ZC3H3: variants seen among roughly 807,000 people sequenced by gnomAD.
The protein encoded by ZC3H3 is zinc finger CCCH-type containing 3, also known as zinc finger CCCH domain-containing protein 3.
In ZC3H3, 36 loss-of-function variants were observed where a neutral mutation model predicts 77.3. The ratio of observed to expected loss-of-function variants is 0.47; its 90% CI spans 0.36 to 0.61. The LOEUF (loss-of-function observed/expected upper bound fraction) is 0.61. Ranked by LOEUF, ZC3H3 falls within the 20% of genes least tolerant of loss-of-function variation. The pLI is 0.00. For synonymous variants in ZC3H3, 626 were observed against 555.2 expected (o/e 1.13, Z -1.79); for missense variants, 1,331 against 1,312.2 (o/e 1.01, Z -0.22).
chr8:143,443,011 G>A (rs1488395100), intron 9 of ZC3H3, among the ~76,000 whole-genome samples: 4 of 152,090 alleles, frequency 2.6e-5, no homozygotes, highest in East Asian at 3.9e-4. Flanking sequence ...AGTGGCTCAC[G>A]CCGGTAATTC....
At chr8:143,444,051 T>C (rs1029488498) in intron 9 of ZC3H3, among the ~76,000 whole-genome samples, 9 of 151,546 alleles carry the variant, frequency 5.9e-5, no homozygotes, top group Non-Finnish European at 1.2e-4. Context: ...CTCGGCTCAC[T>C]GCAACCTCTG....
At position 143,476,971 on chromosome 8, in the gene ZC3H3, T is replaced by C. The variant is rs112641196; in HGVS notation, c.1716-1386A>G. 8.3e-3 allele frequency among the ~76,000 whole-genome samples: 1,262 copies of C among 152,298 alleles called. 21 individuals are homozygous for C. The highest frequency in any genetic ancestry group is 0.029 in the African/African-American group (1,188 of 41,566). The stretch of plus-strand genomic sequence containing the variant: ...TGAAGGTGGGGCTCGCTTGTCTGGC[T>C]GGATGGGGCAGGTACAGGGGGACAG... On this transcript the variant is annotated intron_variant, in intron 4 of 11. Coordinates refer to ENST00000262577, the MANE Select transcript of ZC3H3 (RefSeq NM_015117.3).
intron 4 of ZC3H3, among the ~76,000 whole-genome samples, chr8:143,495,917 C>G (rs1467674186): frequency 1.3e-5 from 2 of 152,110 alleles, no homozygotes; most frequent in Non-Finnish European, 2.9e-5. Context: ...TTTGTTAGAA[C>G]TCACAGACTG....
At chr8:143,456,715 A>T (rs570055659) in intron 9 of ZC3H3, among the ~76,000 whole-genome samples, 1 of 152,288 alleles carries the variant, frequency 6.6e-6, no homozygotes, top group Non-Finnish European at 1.5e-5. Context: ...AAAAAATTTT[A>T]AAAGTAGCCA....
intron 9 of ZC3H3, among the ~76,000 whole-genome samples, chr8:143,442,443 G>T (rs1186573911): frequency 7.0e-6 from 1 of 143,656 alleles, no homozygotes; most frequent in African/African-American, 2.5e-5. Flanking sequence ...GGGGGGGGGG[G>T]GGGGCAGGGG....
intron 4 of ZC3H3, among the ~76,000 whole-genome samples, chr8:143,491,946 C>T (rs76757716): frequency 0.018 from 2,724 of 152,280 alleles, 76 homozygotes; most frequent in African/African-American, 0.061. Flanking sequence ...TTTCTAGCAG[C>T]CCACCCCACA....
intron 3 of ZC3H3, among the ~76,000 whole-genome samples, chr8:143,532,226 C>G (rs60183493): frequency 0.53 from 55,561 of 103,920 alleles, 10,449 homozygotes; most frequent in East Asian, 0.69. Context: ...AAGGAAATTA[C>G]GCGATTACCA....
chr8:143,489,050 G>A (rs1016795223), intron 4 of ZC3H3, among the ~76,000 whole-genome samples: 1 of 147,862 alleles, frequency 6.8e-6, no homozygotes, highest in Non-Finnish European at 1.5e-5. Flanking sequence ...CTGACCCCCA[G>A]GACTGTTCAT....
In ZC3H3 at chr8:143,539,109, A is replaced by G; in HGVS notation, c.258T>C (p.Pro86=). The G allele has an allele frequency of 6.2e-7, 1 of 1,612,768 alleles. No individual in the cohort carries two copies. Among genetic ancestry groups the G allele is most frequent in the Non-Finnish European group, 8.5e-7 (1 of 1,179,956 alleles). ...LVNRPPGPSD[P]PADHAVRPLH... ...ACGGCCGCACAGCATGGTCGGCAGG[A>G]GGGTCTGAGGGTCCCGGGGGCCGAT... Residue 86 remains proline, a synonymous_variant, in exon 2 of 12, where the codon CCT becomes CCC. Coordinates refer to ENST00000262577, the MANE Select transcript of ZC3H3 (RefSeq NM_015117.3).
intron 4 of ZC3H3, among the ~76,000 whole-genome samples, chr8:143,492,546 T>C (rs1435901484): frequency 6.6e-6 from 1 of 152,214 alleles, no homozygotes; most frequent in Non-Finnish European, 1.5e-5. Flanking sequence ...CCAGAGCCAC[T>C]GCCAGCTTGA....
chr8:143,453,101 T>G (rs1820028239), intron 9 of ZC3H3, among the ~76,000 whole-genome samples: 1 of 152,118 alleles, frequency 6.6e-6, no homozygotes, highest in Non-Finnish European at 1.5e-5. Flanking sequence ...ATTATGTTTG[T>G]TTTTTTGAGA....
intron 2 of ZC3H3, 136 bp from the exon 3 acceptor site, chr8:143,536,589 C>CCG: frequency 2.2e-6 from 2 of 918,778 alleles, no homozygotes; most frequent in Non-Finnish European, 3.1e-6. Context: ...CTTTCTGGAC[C>CCG]CTGCCTCCCT....
chr8:143,489,421 G>C (rs116443674), intron 4 of ZC3H3, among the ~76,000 whole-genome samples: 2,211 of 152,246 alleles, frequency 0.015, 48 homozygotes, highest in African/African-American at 0.051. Context: ...CCAACCTTTG[G>C]GGGGATGCGC....
At chr8:143,468,175 T>C in intron 8 of ZC3H3, 34 bp downstream of exon 8, 2 of 1,598,068 alleles carry the variant, frequency 1.3e-6, no homozygotes, top group Non-Finnish European at 1.7e-6. Flanking sequence ...CGGAGAAAGG[T>C]GCACGGGAGC....
chr8:143,539,444 T>G, intron 1 of ZC3H3, 124 bp from the exon 2 acceptor site: 1 of 1,046,180 alleles, frequency 9.6e-7, no homozygotes, highest in South Asian at 1.7e-5. Flanking sequence ...CCCCTGCCAG[T>G]TTCAGGAGGG....
intron 3 of ZC3H3, among the ~76,000 whole-genome samples, chr8:143,531,460 C>T (rs575513068): frequency 1.3e-5 from 2 of 152,172 alleles, no homozygotes; most frequent in Admixed American, 6.5e-5. Flanking sequence ...GGAGAGGCAC[C>T]GAAGAGTCAG....
rs149672519 is a variant in ZC3H3 at position 143,525,115 on chromosome 8, T to C, written c.1561+11142A>G. On this transcript the variant is annotated intron_variant, in intron 3 of 11. Transcript: ENST00000262577. The stretch of plus-strand genomic sequence containing the variant: ...GCCCCAAGGCCCAGGCCAGGCAGAG[T>C]CGCACCTCGCCATCTCCAGCCAAGC... Among the ~76,000 whole-genome samples, 717 of 152,288 alleles carry C rather than the reference T, an allele frequency of 4.7e-3. 5 individuals carry two copies. Among genetic ancestry groups the C allele is most frequent in the African/African-American group, 0.016 (681 of 41,540 alleles).
rs1820714337 is a variant in ZC3H3, at chr8:143,475,682, G to A, written c.1716-97C>T. 6 of 1,381,276 alleles carry A rather than the reference G, an allele frequency of 4.3e-6. No individual in the cohort carries two copies. In the Admixed American group the frequency reaches 1.3e-4, roughly 30 times the overall value. 85.6% of individuals were successfully genotyped at this position (1,381,276 alleles called of 1,614,324 possible). ...GCCGAGCCCAGGCCTGGCCTCCCAA[G>A]GGGGACAGGGAGCAGCACTTGCGGT... On this transcript the variant is annotated intron_variant, in intron 4 of 11. Transcript: ENST00000262577.
chr8:143,492,196 G>A (rs551170989), intron 4 of ZC3H3, among the ~76,000 whole-genome samples: 18 of 152,340 alleles, frequency 1.2e-4, no homozygotes, highest in East Asian at 3.9e-4. Context: ...CAGGTCGGGC[G>A]GCAAAGCCTC....
Sources: allele counts gnomAD v4.1 joint callset (sites outside exome capture counted in the v4.1 genomes callset), GRCh38; gene constraint gnomAD v4.1.1; transcripts MANE v1.5; gene names NCBI Gene and HGNC (gene_info 2026-07-23, HGNC 2026-07-21).